Variants in PTPN9 observed in about 807,000 individuals in gnomAD.
PTPN9 encodes protein tyrosine phosphatase non-receptor type 9, also known as tyrosine-protein phosphatase non-receptor type 9.
Under a neutral mutation model 69.8 loss-of-function variants are expected in PTPN9, and 26 were observed. The ratio of observed to expected loss-of-function variants is 0.37; its 90% CI spans 0.27 to 0.52. The LOEUF (loss-of-function observed/expected upper bound fraction) is 0.52. Ranked by LOEUF, PTPN9 falls within the 20% of genes least tolerant of loss-of-function variation. The pLI is 0.91. For synonymous variants in PTPN9, 274 were observed against 272.5 expected, an observed-to-expected ratio of 1.01 and a Z score of -0.05; for missense variants, 549 against 740.3, an observed-to-expected ratio of 0.74 and a Z score of 3.00.
intron 7 of PTPN9, among the ~76,000 whole-genome samples, chr15:75,503,834 G>A (rs1303015601): frequency 8.5e-6 from 1 of 118,202 alleles, no homozygotes; most frequent in Non-Finnish European, 1.8e-5. Context: ...CCGGCCAGCC[G>A]CCCCGTCCGG....
At chr15:75,472,374 G>C (rs2074571835) in intron 10 of PTPN9, among the ~76,000 whole-genome samples, 1 of 152,018 alleles carries the variant, frequency 6.6e-6, no homozygotes, top group Non-Finnish European at 1.5e-5. Flanking sequence ...CAGGAGAATG[G>C]CGTGAACCCC....
At chr15:75,547,963 G>T (rs1384435344) in intron 1 of PTPN9, among the ~76,000 whole-genome samples, 1 of 152,088 alleles carries the variant, frequency 6.6e-6, no homozygotes, top group Admixed American at 6.6e-5. Context: ...ACCATGCCTG[G>T]CCCCTACTGG....
At chr15:75,479,346 T>C (rs530207888) in intron 9 of PTPN9, among the ~76,000 whole-genome samples, 3 of 152,300 alleles carry the variant, frequency 2.0e-5, no homozygotes, top group East Asian at 1.9e-4. Context: ...TAGAGCTCAG[T>C]ATTCCACTGT....
At chr15:75,545,857 G>A (rs754434024) in intron 1 of PTPN9, among the ~76,000 whole-genome samples, 9 of 152,210 alleles carry the variant, frequency 5.9e-5, no homozygotes, top group Admixed American at 1.3e-4. Flanking sequence ...GCTGAGGCAC[G>A]AGAATTGCTT....
In PTPN9 at chr15:75,517,378, A is replaced by G. The variant is rs763641705; in HGVS notation, c.423-14T>C. 6.3e-7 allele frequency: 1 copy of G among 1,598,096 alleles called. No individual in the cohort carries two copies. The highest frequency in any genetic ancestry group is 1.1e-5 in the South Asian group (1 of 89,828). ...TGAGTTTCAAAGCTGTAAATCAACC[A>G]TTGAACAAAAACATTTGTAAGTAAG... is the stretch of plus-strand genomic sequence containing the variant. On this transcript the variant is annotated splice_polypyrimidine_tract_variant and intron_variant, in intron 4 of 12. Coordinates refer to ENST00000618819, the MANE Select transcript of PTPN9 (RefSeq NM_002833.4).
At chr15:75,536,213 C>T (rs2074981748) in intron 1 of PTPN9, among the ~76,000 whole-genome samples, 2 of 152,106 alleles carry the variant, frequency 1.3e-5, no homozygotes, top group Non-Finnish European at 2.9e-5. Context: ...CAAACATTCA[C>T]AACAAATATT....
chr15:75,554,160 A>G (rs2075067155), intron 1 of PTPN9, among the ~76,000 whole-genome samples: 1 of 151,656 alleles, frequency 6.6e-6, no homozygotes, highest in African/African-American at 2.4e-5. Context: ...CTGGGACTAC[A>G]GGAGTATGCC....
At chr15:75,528,381 AT>A (rs368637051) in intron 1 of PTPN9, among the ~76,000 whole-genome samples, 12,812 of 147,324 alleles carry the variant, frequency 0.087, 675 homozygotes, top group South Asian at 0.2. Flanking sequence ...TTAAATTGGG[AT>A]TTTTTTTTTT....
chr15:75,523,169 T>G lies in PTPN9; in HGVS notation c.374A>C (p.His125Pro), dbSNP rs376906988. ...GTAAAACAGAGCCTGAAGTACCACA[T>G]GTTGGACTGACTTGTGGGGATGATG... ...RLHHPHKSVQ[H>P]VVLQALFYLL... Residue 125 changes from histidine to proline, a missense_variant, in exon 4 of 13, where the codon CAT (histidine) becomes CCT (proline). Physicochemically the swap from His to Pro is moderately conservative, Grantham distance 77. Transcript: ENST00000618819. The G allele has an allele frequency of 1.4e-4, 219 of 1,613,964 alleles. No individual in the cohort carries two copies. Among genetic ancestry groups the G allele is most frequent in the Non-Finnish European group, 1.7e-4 (203 of 1,179,962 alleles).
chr15:75,473,633 C>T, intron 10 of PTPN9, 56 bp downstream of exon 10: 1 of 1,377,314 alleles, frequency 7.3e-7, no homozygotes, highest in Non-Finnish European at 1.0e-6. Flanking sequence ...CTTTAATCAC[C>T]CATGCCTAGG....
chr15:75,527,304 A>AT lies in PTPN9; in HGVS notation c.64-44dup, dbSNP rs1306204279. On this transcript the variant is annotated intron_variant, in intron 1 of 12. Coordinates refer to ENST00000618819, the MANE Select transcript of PTPN9 (RefSeq NM_002833.4). Reference sequence around the variant, plus strand: ...AAAGAATAATTAGTAAGAAGAGAGCATATTTATGGAGTCAAAAAACAAACA... The same window carrying AT: ...AAAGAATAATTAGTAAGAAGAGAGCATTATTTATGGAGTCAAAAAACAAACA... 3 of 1,601,330 alleles carry AT rather than the reference A, an allele frequency of 1.9e-6. No individual in the cohort carries two copies. The African/African-American group carries it at 4.0e-5, about 21-fold the overall frequency.
chr15:75,479,789 G>T, intron 9 of PTPN9, 59 bp downstream of exon 9: 2 of 1,382,430 alleles, frequency 1.4e-6, no homozygotes, highest in Non-Finnish European at 1.0e-6. Context: ...CTATCATTTG[G>T]CACAAGGAAT....
intron 1 of PTPN9, among the ~76,000 whole-genome samples, chr15:75,531,646 A>G (rs973723283): frequency 6.6e-6 from 1 of 150,834 alleles, no homozygotes; most frequent in African/African-American, 2.4e-5. Flanking sequence ...ACAGTGGCGC[A>G]ATCTTGGCTC....
intron 1 of PTPN9, among the ~76,000 whole-genome samples, chr15:75,563,309 C>T (rs972071060): frequency 9.2e-5 from 14 of 152,312 alleles, no homozygotes; most frequent in African/African-American, 3.1e-4. Flanking sequence ...CTGCCTCAGC[C>T]TCCCAAGTAG....
chr15:75,547,938 T>C (rs2075040749), intron 1 of PTPN9, among the ~76,000 whole-genome samples: 1 of 152,156 alleles, frequency 6.6e-6, no homozygotes, highest in Admixed American at 6.6e-5. Flanking sequence ...AGTGCTGGGA[T>C]TACAGGTGTA....
At chr15:75,476,064 G>T (rs2074594398) in intron 9 of PTPN9, among the ~76,000 whole-genome samples, 3 of 152,140 alleles carry the variant, frequency 2.0e-5, no homozygotes, top group Non-Finnish European at 2.9e-5. Context: ...ACCTGTGTGT[G>T]CCTGGAGAGG....
intron 8 of PTPN9, among the ~76,000 whole-genome samples, chr15:75,482,038 T>C (rs2074639478): frequency 6.7e-6 from 1 of 148,302 alleles, no homozygotes; most frequent in Admixed American, 6.7e-5. Flanking sequence ...GGGGAAAAGA[T>C]TGAGAAATCG....
At chr15:75,482,490 G>A (rs1260855114) in intron 8 of PTPN9, among the ~76,000 whole-genome samples, 10 of 149,558 alleles carry the variant, frequency 6.7e-5, no homozygotes, top group Non-Finnish European at 8.9e-5. Flanking sequence ...GCGTGAACCC[G>A]GGAGGCGGAG....
At position 75,526,587 on chromosome 15, in the gene PTPN9, A is replaced by C. The variant is rs74026511; in HGVS notation, c.207+531T>G. Among the ~76,000 whole-genome samples, 1,207 of 152,310 alleles carry C rather than the reference A, an allele frequency of 7.9e-3. 20 individuals are homozygous for C. The highest frequency in any genetic ancestry group is 0.028 in the African/African-American group (1,144 of 41,556). On this transcript the variant is annotated intron_variant, in intron 2 of 12. Transcript: ENST00000618819. Reference sequence around the variant, plus strand: ...ACCAAAGTCTATGCCCCCTCAAAAAACAAAAATCAAAACAAAGTAAAATCC... The same window carrying C: ...ACCAAAGTCTATGCCCCCTCAAAAACCAAAAATCAAAACAAAGTAAAATCC...
Sources: gnomAD v4.1 joint callset for allele counts (sites outside exome capture counted in the v4.1 genomes callset) on GRCh38, gnomAD v4.1.1 for gene constraint, MANE v1.5 for transcripts, NCBI Gene and HGNC (gene_info 2026-07-23, HGNC 2026-07-21) for gene names.